The following METTL15 variants were observed in gnomAD, a reference collection of about 807,000 sequenced individuals.
METTL15 encodes 12S rRNA N(4)-cytidine methyltransferase METTL15.
Under a neutral mutation model 38.3 loss-of-function variants are expected in METTL15, and 34 were observed. That is an observed-to-expected ratio of 0.89 (90% CI 0.68 to 1.18). METTL15 has a LOEUF of 1.18. Among genes scored for constraint, METTL15 ranks in the 50% most tolerant of loss-of-function variants. METTL15 has a pLI of 0.00. For synonymous variants in METTL15, 162 were observed against 170.9 expected, an observed-to-expected ratio of 0.95 and a Z score of 0.41; for missense variants, 438 against 498.4, an observed-to-expected ratio of 0.88 and a Z score of 1.15.
At chr11:28,419,830 A>C (rs1416682295) in intron 5 of METTL15, among the ~76,000 whole-genome samples, 3 of 152,196 alleles carry the variant, frequency 2.0e-5, no homozygotes, top group African/African-American at 7.2e-5. Flanking sequence ...GAAATAATTA[A>C]AAGGAATCAA....
At chr11:28,262,908 A>G (rs1046576414) in intron 4 of METTL15, among the ~76,000 whole-genome samples, 2 of 152,114 alleles carry the variant, frequency 1.3e-5, no homozygotes, top group Non-Finnish European at 2.9e-5. Context: ...CTACATCCAC[A>G]AAGAGGAAAC....
chr11:28,470,097 T>C (rs1851290414), intron 6 of METTL15, among the ~76,000 whole-genome samples: 1 of 152,112 alleles, frequency 6.6e-6, no homozygotes, highest in Non-Finnish European at 1.5e-5. Context: ...TGGAAAGTAA[T>C]TAGTGGTAGC....
chr11:28,150,109 G>A (rs565631500), intron 3 of METTL15, among the ~76,000 whole-genome samples: 1 of 152,010 alleles, frequency 6.6e-6, no homozygotes, highest in East Asian at 1.9e-4. Context: ...GGTTTGAAAG[G>A]TTTAATCAGT....
At chr11:28,455,829 C>T (rs888428440) in intron 6 of METTL15, among the ~76,000 whole-genome samples, 1 of 152,102 alleles carries the variant, frequency 6.6e-6, no homozygotes, top group African/African-American at 2.4e-5. Context: ...GCCTCAGCCT[C>T]CCGAGTAGCT....
intron 6 of METTL15, among the ~76,000 whole-genome samples, chr11:28,458,143 C>A (rs1161897235): frequency 6.6e-6 from 1 of 152,152 alleles, no homozygotes; most frequent in Non-Finnish European, 1.5e-5. Flanking sequence ...GTAGCCTTTG[C>A]AGAAAATACC....
At chr11:28,234,592 A>G (rs1853855205) in intron 4 of METTL15, among the ~76,000 whole-genome samples, 1 of 151,616 alleles carries the variant, frequency 6.6e-6, no homozygotes, top group African/African-American at 2.4e-5. Context: ...TTTTGGCTGC[A>G]TAAATGTCTT....
chr11:28,526,043 G>A (rs1458921511), intron 6 of METTL15, among the ~76,000 whole-genome samples: 2 of 152,240 alleles, frequency 1.3e-5, no homozygotes, highest in African/African-American at 4.8e-5. Flanking sequence ...TGCTGGCCCG[G>A]GTGCTAAGCA....
At chr11:28,256,352 G>A (rs1854970514) in intron 4 of METTL15, among the ~76,000 whole-genome samples, 1 of 152,134 alleles carries the variant, frequency 6.6e-6, no homozygotes, top group African/African-American at 2.4e-5. Context: ...TTTATTGGGA[G>A]ACTTCTTTAT....
chr11:28,297,664 G>A (rs575395312), intron 6 of METTL15, among the ~76,000 whole-genome samples: 1 of 152,086 alleles, frequency 6.6e-6, no homozygotes, highest in East Asian at 1.9e-4. Context: ...GTTTTCCAAG[G>A]CAAAAATATA....
At chr11:28,412,523 T>G (rs955366732) in intron 5 of METTL15, among the ~76,000 whole-genome samples, 3 of 151,932 alleles carry the variant, frequency 2.0e-5, no homozygotes, top group African/African-American at 7.2e-5. Context: ...TTCCATAATA[T>G]CAGAATATAC....
intron 6 of METTL15, among the ~76,000 whole-genome samples, chr11:28,444,596 A>G (rs191635864): frequency 3.3e-5 from 5 of 152,318 alleles, no homozygotes; most frequent in Admixed American, 2.0e-4. Context: ...CTTAGTAGCC[A>G]TGAATTTGAG....
rs372837144 is a variant in METTL15, at chr11:28,211,239, A to C, written c.407+41A>C. 4.5e-6 allele frequency: 7 copies of C among 1,571,232 alleles called. No homozygotes were observed. The African/African-American group carries it at 6.8e-5, about 15-fold the overall frequency. ...GCATATTTATTTGATTTTGGTTCTT[A>C]GTTTTACAGAGCTTGGTTTACCACC... On this transcript the variant is annotated intron_variant, in intron 4 of 6. Coordinates refer to ENST00000407364, the MANE Select transcript of METTL15 (RefSeq NM_001113528.2).
At chr11:28,522,191 A>C (rs2133513009) in intron 6 of METTL15, among the ~76,000 whole-genome samples, 1 of 152,360 alleles carries the variant, frequency 6.6e-6, no homozygotes, top group East Asian at 1.9e-4. Context: ...TATTGACCTT[A>C]GAGTGAAGTC....
At chr11:28,373,277 C>T (rs531297822) in intron 5 of METTL15, among the ~76,000 whole-genome samples, 6 of 152,116 alleles carry the variant, frequency 3.9e-5, no homozygotes, top group Admixed American at 3.9e-4. Context: ...TCCTCTCCAG[C>T]ACCTGTTGTT....
intron 6 of METTL15, among the ~76,000 whole-genome samples, chr11:28,430,090 T>A (rs1218931688): frequency 2.1e-5 from 3 of 141,150 alleles, no homozygotes; most frequent in Admixed American, 1.4e-4. Flanking sequence ...CCGGCCGCCC[T>A]GTCTGAGAAG....
intron 4 of METTL15, among the ~76,000 whole-genome samples, chr11:28,269,761 C>G (rs1048358000): frequency 6.6e-6 from 1 of 152,132 alleles, no homozygotes; most frequent in Non-Finnish European, 1.5e-5. Flanking sequence ...GACTGTTTTT[C>G]CCCTGAAAAT....
At chr11:28,281,764 T>C (rs1856064864) in intron 4 of METTL15, among the ~76,000 whole-genome samples, 1 of 152,182 alleles carries the variant, frequency 6.6e-6, no homozygotes, top group South Asian at 2.1e-4. Context: ...TTGTTGTTTG[T>C]TTTTATAGTT....
intron 3 of METTL15, among the ~76,000 whole-genome samples, chr11:28,210,662 A>C (rs1184527155): frequency 6.6e-6 from 1 of 151,916 alleles, no homozygotes; most frequent in Non-Finnish European, 1.5e-5. Context: ...GCTTTAAGAG[A>C]AATTGAGATA....
At chr11:28,387,401 A>G (rs1044545064) in intron 5 of METTL15, among the ~76,000 whole-genome samples, 2 of 151,974 alleles carry the variant, frequency 1.3e-5, no homozygotes, top group African/African-American at 4.8e-5. Flanking sequence ...AGATCATGAT[A>G]TAATAGTATG....
Sources: allele counts gnomAD v4.1 joint callset (sites outside exome capture counted in the v4.1 genomes callset), GRCh38; gene constraint gnomAD v4.1.1; transcripts MANE v1.5; gene names NCBI Gene and HGNC (gene_info 2026-07-23, HGNC 2026-07-21).